Variants in RHOT1 observed in about 807,000 individuals in gnomAD.
RHOT1 encodes the protein ras homolog family member T1.
A neutral mutation model predicts 95.3 loss-of-function variants in RHOT1; 27 were observed. The observed-to-expected ratio is 0.28, with a 90% confidence interval of 0.21 to 0.39. The LOEUF is 0.39. RHOT1 is among the 10% of genes least tolerant of loss of function. The pLI, the probability that RHOT1 is intolerant of heterozygous loss-of-function variation, is 1.00. For missense variants in RHOT1, 578 were observed against 786.7 expected (o/e 0.73, Z 3.17); for synonymous variants, 227 against 263.5 (o/e 0.86, Z 1.34).
intron 1 of RHOT1, among the ~76,000 whole-genome samples, chr17:32,145,884 C>T (rs993862546): frequency 2.6e-5 from 4 of 152,064 alleles, no homozygotes; most frequent in Non-Finnish European, 2.9e-5. Flanking sequence ...GGTGAAGTGG[C>T]GTGCACCTGC....
At chr17:32,200,107 A>G (rs888049561) in intron 13 of RHOT1, among the ~76,000 whole-genome samples, 2 of 151,998 alleles carry the variant, frequency 1.3e-5, no homozygotes, top group Non-Finnish European at 2.9e-5. Flanking sequence ...TTTCTGTATC[A>G]ATAAGTATAC....
At chr17:32,198,909 G>C in intron 11 of RHOT1, 38 bp from the exon 12 acceptor site, 1 of 1,320,956 alleles carries the variant, frequency 7.6e-7, no homozygotes, top group Non-Finnish European at 1.1e-6. Flanking sequence ...TTTAACATTT[G>C]ATTAATGATT....
intron 9 of RHOT1, among the ~76,000 whole-genome samples, chr17:32,192,791 C>A (rs1024064097): frequency 6.6e-6 from 1 of 151,942 alleles, no homozygotes; most frequent in Non-Finnish European, 1.5e-5. Flanking sequence ...CCTGCCTCAG[C>A]CTCCCAAGTA....
At chr17:32,221,995 ACTAT>A (rs1372184885) in intron 19 of RHOT1, among the ~76,000 whole-genome samples, 5 of 152,208 alleles carry the variant, frequency 3.3e-5, no homozygotes, top group South Asian at 2.1e-4. Context: ...ATATTTGAAG[ACTAT>A]CTATGAGAAA....
intron 8 of RHOT1, among the ~76,000 whole-genome samples, chr17:32,189,880 G>A (rs2036355004): frequency 6.6e-6 from 1 of 151,482 alleles, no homozygotes; most frequent in Non-Finnish European, 1.5e-5. Flanking sequence ...TTACAGGGAT[G>A]CACCACCATG....
At chr17:32,202,405 A>G (rs762002423) in intron 14 of RHOT1, among the ~76,000 whole-genome samples, 1 of 152,212 alleles carries the variant, frequency 6.6e-6, no homozygotes, top group Non-Finnish European at 1.5e-5. Flanking sequence ...AATATGTGAC[A>G]GTTTATCACA....
Position 32,208,106 on chromosome 17 carries a change from G to A in RHOT1, c.1537-1G>A, listed in dbSNP as rs1205292479. On this transcript the variant is annotated splice_acceptor_variant, in intron 17 of 19. Transcript: ENST00000545287. LOFTEE classifies it high-confidence loss of function. ...TTTTGATTTCATTTTTTATTCCATA[G>A]CAACACTTTATGGACAGCAGAATAC... 1 of 1,612,152 alleles carries A rather than the reference G, an allele frequency of 6.2e-7. No homozygotes were observed. The highest frequency in any genetic ancestry group is 8.5e-7 in the Non-Finnish European group (1 of 1,178,488).
chr17:32,221,759 C>G (rs144959394), intron 19 of RHOT1, among the ~76,000 whole-genome samples: 137 of 152,256 alleles, frequency 9.0e-4, no homozygotes, highest in African/African-American at 3.0e-3. Flanking sequence ...CTATATTGAT[C>G]TTGAAATGCA....
At chr17:32,203,021 T>C in intron 15 of RHOT1, 121 bp downstream of exon 15, 1 of 868,498 alleles carries the variant, frequency 1.2e-6, no homozygotes, top group South Asian at 1.5e-5. Context: ...CCTGTATTAG[T>C]CAAGTACAGT....
intron 1 of RHOT1, among the ~76,000 whole-genome samples, chr17:32,168,509 A>G (rs2034298442): frequency 6.6e-6 from 1 of 151,954 alleles, no homozygotes; most frequent in African/African-American, 2.4e-5. Context: ...CCTGGCCTCA[A>G]GTAGTCCTCC....
chr17:32,206,960 T>G lies in RHOT1; in HGVS notation c.1467T>G (p.Cys489Trp). 6.2e-7 allele frequency: 1 copy of G among 1,608,978 alleles called. No homozygotes were observed. Among genetic ancestry groups the G allele is most frequent in the Non-Finnish European group, 8.5e-7 (1 of 1,175,928 alleles). ...SEFLTEAEII[C>W]DVVCLVYDVS... ...TTCTAACTGAAGCTGAAATCATTTG[T>G]GATGTTGTATGCCTGGTATATGATG... Residue 489 changes from cysteine (C) to tryptophan (W), a missense_variant, in exon 17 of 20, where the codon TGT becomes TGG. Physicochemically the swap from Cys to Trp is radical, Grantham distance 215. Coordinates refer to ENST00000545287, the MANE Select transcript of RHOT1 (RefSeq NM_001033566.3).
In RHOT1 at chr17:32,211,158, A is replaced by G. The variant is rs559344430; in HGVS notation, c.1782A>G (p.Thr594=). Residue 594 remains threonine (T), a synonymous_variant, in exon 19 of 20, where the codon ACA becomes ACG. Coordinates refer to ENST00000545287, the MANE Select transcript of RHOT1 (RefSeq NM_001033566.3). ...GTATGTGCACCTGCAACAGGTGTAC[A>G]TTTTGCATCTGTCAGAACTTCCTCA... ...LRCMCTCNRC[T]FCICQNFLNS... The G allele has an allele frequency of 2.0e-5, 33 of 1,612,030 alleles. 2 individuals carry two copies. The South Asian group carries it at 3.0e-4, about 15-fold the overall frequency.
intron 8 of RHOT1, among the ~76,000 whole-genome samples, chr17:32,188,114 C>T (rs1030753829): frequency 6.6e-6 from 1 of 152,222 alleles, no homozygotes; most frequent in Non-Finnish European, 1.5e-5. Context: ...TGCGCTGACA[C>T]ACTAGACAGC....
intron 1 of RHOT1, chr17:32,150,887 T>G (rs1295353765): frequency 6.5e-7 from 1 of 1,540,994 alleles, no homozygotes; most frequent in Admixed American, 1.8e-5. Flanking sequence ...GCATAAGCAC[T>G]GGGGGATGTT....
At position 32,224,597 on chromosome 17, in the gene RHOT1, T is replaced by G; in HGVS notation, c.1863-19T>G. On this transcript the variant is annotated intron_variant, in intron 19 of 19. Transcript: ENST00000545287. ...ATACTAATCATGTTTTAAATAATAATTATATTTTCTGACTGCAGGCACGTG... is the reference window on the plus strand; with the variant it reads ...ATACTAATCATGTTTTAAATAATAAGTATATTTTCTGACTGCAGGCACGTG... 4 of 1,539,844 alleles carry G rather than the reference T, an allele frequency of 2.6e-6. No individual in the cohort carries two copies. Among genetic ancestry groups the G allele is most frequent in the Non-Finnish European group, 3.6e-6 (4 of 1,122,502 alleles).
intron 10 of RHOT1, 62 bp from the exon 11 acceptor site, chr17:32,193,925 T>C (rs1261435019): frequency 2.5e-6 from 4 of 1,571,164 alleles, no homozygotes; most frequent in Admixed American, 3.7e-5. Flanking sequence ...CTTGCCATTA[T>C]GTTACATGCT....
intron 1 of RHOT1, among the ~76,000 whole-genome samples, chr17:32,164,750 CCAGCTACCCAGGAGGCTGAGG>C (rs2033890416): frequency 3.3e-5 from 5 of 151,082 alleles, no homozygotes; most frequent in Admixed American, 2.6e-4. Context: ...ACCTGTAGTC[CCAGCTACCCAGGAGGCTGAGG>C]TGGGAGGATC....
chr17:32,222,095 G>T (rs1008135731), intron 19 of RHOT1, among the ~76,000 whole-genome samples: 1 of 152,138 alleles, frequency 6.6e-6, no homozygotes, highest in African/African-American at 2.4e-5. Context: ...ATGTAAAAAT[G>T]TAAAAATAAG....
At chr17:32,167,495 T>G (rs1027685768) in intron 1 of RHOT1, among the ~76,000 whole-genome samples, 2 of 151,962 alleles carry the variant, frequency 1.3e-5, no homozygotes, top group Non-Finnish European at 2.9e-5. Context: ...CCCGGTTAAT[T>G]TTTGTATTTT....
Sources: allele counts gnomAD v4.1 joint callset (sites outside exome capture counted in the v4.1 genomes callset), GRCh38; gene constraint gnomAD v4.1.1; transcripts MANE v1.5; gene names NCBI Gene and HGNC (gene_info 2026-07-23, HGNC 2026-07-21).